Variants in TMEM45A observed in about 807,000 individuals in gnomAD.
TMEM45A encodes DNA polymerase-transactivated protein 4.
A neutral mutation model predicts 32.0 loss-of-function variants in TMEM45A; 25 were observed. That is an observed-to-expected ratio of 0.78 (90% CI 0.57 to 1.09). The LOEUF (loss-of-function observed/expected upper bound fraction) is 1.09. TMEM45A is among the 50% of genes least tolerant of loss of function. TMEM45A has a pLI of 0.00. For synonymous variants in TMEM45A, 122 were observed against 114.8 expected (o/e 1.06, Z -0.40); for missense variants, 302 against 325.0 (o/e 0.93, Z 0.54).
intron 3 of TMEM45A, 63 bp from the exon 4 acceptor site, chr3:100,558,338 GGAGA>G: frequency 3.2e-6 from 5 of 1,582,920 alleles, no homozygotes; most frequent in Non-Finnish European, 4.3e-6. Flanking sequence ...ACGGAGAGAG[GGAGA>G]GAGAGAAACA....
At chr3:100,570,040 C>T (rs1222453982) in intron 5 of TMEM45A, among the ~76,000 whole-genome samples, 1 of 152,178 alleles carries the variant, frequency 6.6e-6, no homozygotes, top group South Asian at 2.1e-4. Context: ...GACTCCAGCA[C>T]CTAATCCTTC....
At chr3:100,576,128 C>G (rs1706679266) in intron 5 of TMEM45A, among the ~76,000 whole-genome samples, 1 of 151,816 alleles carries the variant, frequency 6.6e-6, no homozygotes, top group Admixed American at 6.6e-5. Flanking sequence ...TCCTGACCAA[C>G]ATGGAGAAAC....
intron 1 of TMEM45A, among the ~76,000 whole-genome samples, chr3:100,549,341 C>T (rs1223762909): frequency 1.3e-5 from 2 of 152,174 alleles, no homozygotes; most frequent in Non-Finnish European, 2.9e-5. Flanking sequence ...CTTCTTATGC[C>T]TTACAGAACA....
intron 4 of TMEM45A, among the ~76,000 whole-genome samples, chr3:100,563,891 G>C (rs1172003508): frequency 2.0e-5 from 3 of 152,172 alleles, no homozygotes; most frequent in Non-Finnish European, 4.4e-5. Flanking sequence ...TGCAGTTTCT[G>C]AGTATTGTGA....
At chr3:100,539,461 G>A (rs1705811588) in intron 1 of TMEM45A, among the ~76,000 whole-genome samples, 2 of 134,248 alleles carry the variant, frequency 1.5e-5, no homozygotes, top group Non-Finnish European at 3.2e-5. Flanking sequence ...ATATGTATAT[G>A]TATATGTATA....
At chr3:100,553,253 T>A (rs1402240654) in intron 1 of TMEM45A, among the ~76,000 whole-genome samples, 3 of 152,204 alleles carry the variant, frequency 2.0e-5, no homozygotes, top group Non-Finnish European at 4.4e-5. Context: ...AAGTTGGTAT[T>A]CGGACTTAGA....
chr3:100,529,805 A>G (rs1391593848), intron 1 of TMEM45A, among the ~76,000 whole-genome samples: 1 of 151,898 alleles, frequency 6.6e-6, no homozygotes, highest in Non-Finnish European at 1.5e-5. Context: ...TTTTGTACAT[A>G]TGGGGTTTCA....
At chr3:100,520,918 C>T (rs1418047171) in intron 1 of TMEM45A, among the ~76,000 whole-genome samples, 2 of 152,160 alleles carry the variant, frequency 1.3e-5, no homozygotes, top group Non-Finnish European at 2.9e-5. Flanking sequence ...TGGAAGCAAC[C>T]TTTGCAGTAC....
In TMEM45A at chr3:100,558,516, T is replaced by C; in HGVS notation, c.515T>C (p.Leu172Pro). 6.2e-7 allele frequency: 1 copy of C among 1,614,180 alleles called. No homozygotes were observed. Among genetic ancestry groups the C allele is most frequent in the Non-Finnish European group, 8.5e-7 (1 of 1,180,012 alleles). Residue 172 changes from leucine to proline, a missense_variant, in exon 4 of 6, where the codon CTT becomes CCT. Coordinates refer to ENST00000323523, the MANE Select transcript of TMEM45A (RefSeq NM_018004.3). Reference sequence around the variant, plus strand: ...GGCCTCGTTGCCTTCCTAGAGTTCCTTGTTCGGAACAATGTACTTCTGGAG... The same window carrying C: ...GGCCTCGTTGCCTTCCTAGAGTTCCCTGTTCGGAACAATGTACTTCTGGAG... ...LTGLVAFLEF[L>P]VRNNVLLELL...
intron 4 of TMEM45A, among the ~76,000 whole-genome samples, 171 bp from the exon 5 acceptor site, chr3:100,568,651 G>A (rs1381901063): frequency 6.6e-6 from 1 of 152,120 alleles, no homozygotes; most frequent in African/African-American, 2.4e-5. Flanking sequence ...TGACATATTA[G>A]AGACTCTCTA....
At chr3:100,512,069 A>G (rs151153901) in intron 1 of TMEM45A, among the ~76,000 whole-genome samples, 10,249 of 152,128 alleles carry the variant, frequency 0.067, 1,172 homozygotes, top group African/African-American at 0.23. Flanking sequence ...GATCAATGAG[A>G]CAGAAAGTCA....
At chr3:100,514,264 G>A (rs1253222509) in intron 1 of TMEM45A, among the ~76,000 whole-genome samples, 1 of 152,176 alleles carries the variant, frequency 6.6e-6, no homozygotes, top group Non-Finnish European at 1.5e-5. Context: ...CATGGTACCG[G>A]TACCAAAACA....
intron 1 of TMEM45A, among the ~76,000 whole-genome samples, chr3:100,533,472 G>C (rs753065160): frequency 2.6e-5 from 4 of 151,938 alleles, no homozygotes; most frequent in Non-Finnish European, 5.9e-5. Flanking sequence ...TCCACCCCCA[G>C]CTCCAGCCTT....
At chr3:100,542,970 C>A (rs1705915870) in intron 1 of TMEM45A, among the ~76,000 whole-genome samples, 1 of 151,972 alleles carries the variant, frequency 6.6e-6, no homozygotes, top group East Asian at 1.9e-4. Flanking sequence ...TCATTCATAC[C>A]CCAAACCTCA....
At position 100,556,686 on chromosome 3, in the gene TMEM45A, G is replaced by A. The variant is rs139303446; in HGVS notation, c.191-74G>A. ...AGGACATTAGATTGGAATAAGCAATGGACTAGTCCTCCTGCATCTTCTTGA... is the reference window on the plus strand; with the variant it reads ...AGGACATTAGATTGGAATAAGCAATAGACTAGTCCTCCTGCATCTTCTTGA... On this transcript the variant is annotated intron_variant, in intron 2 of 5. Coordinates refer to ENST00000323523, the MANE Select transcript of TMEM45A (RefSeq NM_018004.3). 3.5e-4 allele frequency: 470 copies of A among 1,341,526 alleles called. 2 individuals carry two copies. In the African/African-American group the frequency reaches 5.9e-3, roughly 17 times the overall value. 83.1% of individuals were successfully genotyped at this position (1,341,526 alleles called of 1,614,324 possible).
chr3:100,510,587 C>T (rs1350305158), intron 1 of TMEM45A, among the ~76,000 whole-genome samples: 1 of 152,240 alleles, frequency 6.6e-6, no homozygotes, highest in Non-Finnish European at 1.5e-5. Context: ...GGAACGCACG[C>T]AGTTCCTCAC....
chr3:100,520,548 TA>T (rs1705414576), intron 1 of TMEM45A, among the ~76,000 whole-genome samples: 1 of 152,162 alleles, frequency 6.6e-6, no homozygotes, highest in South Asian at 2.1e-4. Context: ...CATGTGGCCT[TA>T]TACATTGGGT....
At chr3:100,495,466 G>A (rs531434269) in intron 1 of TMEM45A, among the ~76,000 whole-genome samples, 1 of 152,186 alleles carries the variant, frequency 6.6e-6, no homozygotes, top group African/African-American at 2.4e-5. Context: ...ATCTGTGGGA[G>A]GTTAGTTGGA....
intron 4 of TMEM45A, among the ~76,000 whole-genome samples, chr3:100,565,237 A>C (rs1294669236): frequency 1.3e-5 from 2 of 152,158 alleles, no homozygotes; most frequent in Non-Finnish European, 2.9e-5. Context: ...GTTTATGTAC[A>C]TGAGTGAGGA....
Sources: gnomAD v4.1 joint callset for allele counts (sites outside exome capture counted in the v4.1 genomes callset) on GRCh38, gnomAD v4.1.1 for gene constraint, MANE v1.5 for transcripts, NCBI Gene and HGNC (gene_info 2026-07-23, HGNC 2026-07-21) for gene names.